EVPL: variants seen among roughly 807,000 people sequenced by gnomAD.
EVPL encodes the protein envoplakin.
A neutral mutation model predicts 129.7 loss-of-function variants in EVPL; 94 were observed. That is an observed-to-expected ratio of 0.72 (90% CI 0.61 to 0.86). The LOEUF (loss-of-function observed/expected upper bound fraction) is 0.86. Among genes scored for constraint, EVPL ranks in the 40% least tolerant of loss-of-function variants. The probability of loss-of-function intolerance (pLI) is 0.00; values close to 1 mark genes in which losing one functional copy is unlikely to be tolerated. For missense variants in EVPL, 2,625 were observed against 2,721.1 expected (o/e 0.96, Z 0.79); for synonymous variants, 1,172 against 1,191.1 (o/e 0.98, Z 0.33).
In EVPL at chr17:76,018,544, G is replaced by C; in HGVS notation, c.1341C>G (p.Ala447=). 1 of 1,612,642 alleles carries C rather than the reference G, an allele frequency of 6.2e-7. No homozygotes were observed. Among genetic ancestry groups the C allele is most frequent in the Non-Finnish European group, 8.5e-7 (1 of 1,179,856 alleles). The change falls in exon 12 of 22, where the codon GCC becomes GCG. Residue 447 remains alanine (A), a synonymous_variant. Coordinates refer to ENST00000301607, the MANE Select transcript of EVPL (RefSeq NM_001988.4). ...CCCCGCCAGGGCCCTGCACGACCCA[G>C]GCGTGCGGGTCAGTGTTATCTACCA... ...YKLVDNTDPH[A]WVVQGPGGET...
rs766924736 is a variant in EVPL at position 76,009,571 on chromosome 17, G to A, written c.3634C>T (p.Arg1212Trp). 5 of 1,613,918 alleles carry A rather than the reference G, an allele frequency of 3.1e-6. No homozygotes were observed. Among genetic ancestry groups the A allele is most frequent in the East Asian group, 2.2e-5 (1 of 44,894 alleles). Residue 1212 changes from arginine to tryptophan, a missense_variant, in exon 22 of 22, where the codon CGG (arginine) becomes TGG (tryptophan). Physicochemically the swap from Arg to Trp is moderately radical, Grantham distance 101. Transcript: ENST00000301607. This position sits in a 1 kb window ranked among gnomAD's most constrained non-coding sequence, Gnocchi z 5.9. ...VDPETEQEIT[R>W]LKAKLQEMAG... ...ATCTCCTGCAGCTTGGCCTTGAGCC[G>A]AGTGATCTCCTGCTCTGTCTCCGGA...
rs1439233804 is a variant in EVPL at position 76,008,725 on chromosome 17, C to T, written c.4480G>A (p.Glu1494Lys). Residue 1494 changes from glutamate to lysine, a missense_variant, in exon 22 of 22, where the codon GAG (glutamate) becomes AAG (lysine). This residue lies in a region of EVPL where 1,453 missense variants were observed against 1,511.8 expected (regional missense o/e 0.96). Transcript: ENST00000301607. This position sits in a 1 kb window ranked among gnomAD's most constrained non-coding sequence, Gnocchi z 7.4. ...DLDQEKTQVT[E>K]LNRECKNLQV... Reference sequence around the variant, plus strand: ...AGGTTCTTGCACTCCCGATTCAGCTCGGTTACCTGGGTCTTCTCCTGGTCC... The same window carrying T: ...AGGTTCTTGCACTCCCGATTCAGCTTGGTTACCTGGGTCTTCTCCTGGTCC... 9.3e-6 allele frequency: 15 copies of T among 1,613,976 alleles called. No individual in the cohort carries two copies. The highest frequency in any genetic ancestry group is 1.7e-5 in the Admixed American group (1 of 60,022).
Position 76,009,737 on chromosome 17 carries a change from C to T in EVPL, c.3468G>A (p.Arg1156=), listed in dbSNP as rs140510922. 6.1e-5 allele frequency: 99 copies of T among 1,613,650 alleles called. No homozygotes were observed. The highest frequency in any genetic ancestry group is 7.8e-5 in the Non-Finnish European group (92 of 1,180,010). Reference sequence around the variant, plus strand: ...TGGTCCTCTCCTCCTCGAGGAGGCTCCTCAGCCTGGAGGACTCCTGGAGGA... The same window carrying T: ...TGGTCCTCTCCTCCTCGAGGAGGCTTCTCAGCCTGGAGGACTCCTGGAGGA... ...PGLLQESSRL[R]SLLEEERTKN... is the part of the protein sequence containing the mutation. Residue 1156 remains arginine, a synonymous_variant, in exon 22 of 22, where the codon AGG becomes AGA. Coordinates refer to ENST00000301607, the MANE Select transcript of EVPL (RefSeq NM_001988.4). This position sits in a 1 kb window ranked among gnomAD's most constrained non-coding sequence, Gnocchi z 5.9.
chr17:76,025,340 C>T (rs1300052207), intron 1 of EVPL, among the ~76,000 whole-genome samples: 2 of 152,328 alleles, frequency 1.3e-5, no homozygotes, highest in East Asian at 3.9e-4. Flanking sequence ...TCTACAGTGA[C>T]ATCTCCAGTG....
At chr17:76,012,806 G>A (rs1399452238) in intron 18 of EVPL, among the ~76,000 whole-genome samples, 12 of 146,442 alleles carry the variant, frequency 8.2e-5, no homozygotes, top group South Asian at 2.1e-4. Context: ...GTGCAGTGGC[G>A]CTATCCGGAC....
chr17:76,021,317 A>C, intron 9 of EVPL, 151 bp downstream of exon 9: 4 of 690,842 alleles, frequency 5.8e-6, no homozygotes, highest in Non-Finnish European at 9.8e-6. Context: ...CGGCCTCCCA[A>C]AGTGCTGGGA....
intron 10 of EVPL, 100 bp downstream of exon 10, chr17:76,019,428 G>A: frequency 7.0e-7 from 1 of 1,422,526 alleles, no homozygotes; most frequent in Non-Finnish European, 9.3e-7. Flanking sequence ...CAGGGCTTGG[G>A]ATAGGACTAG....
At chr17:76,023,883 G>T in intron 2 of EVPL, 138 bp downstream of exon 2, 1 of 1,260,650 alleles carries the variant, frequency 7.9e-7, no homozygotes, top group Non-Finnish European at 1.1e-6. Flanking sequence ...TGTGTTAGGG[G>T]ATGGGCGGTG....
Position 76,015,096 on chromosome 17 carries a change from T to A in EVPL, c.2042A>T (p.Glu681Val). The change falls in exon 17 of 22, where the codon GAG (glutamate) becomes GTG (valine). Residue 681 changes from glutamate (E) to valine (V), a missense_variant. Glu to Val is a moderately radical substitution (Grantham distance 121, BLOSUM62 -2). Around this residue, in one of 4 missense-constraint regions of EVPL, gnomAD observed 1,024 missense variants for 997.5 expected, o/e 1.03. Transcript: ENST00000301607. ...RVSELQRQRR[E>V]LLEQQTCVLR... ...CACGCAGGTCTGCTGTTCCAGCAGC[T>A]CCCTCCGCTGGCGCTGCAGGAGGAG... 1 of 1,573,952 alleles carries A rather than the reference T, an allele frequency of 6.4e-7. No individual in the cohort carries two copies.
chr17:76,007,483 C>T lies in EVPL; in HGVS notation c.5722G>A (p.Asp1908Asn), dbSNP rs1308808541. Residue 1908 changes from aspartate to asparagine, a missense_variant, in exon 22 of 22, where the codon GAC becomes AAC. Physicochemically the swap from Asp to Asn is conservative, Grantham distance 23. This residue lies in a region of EVPL where 1,453 missense variants were observed against 1,511.8 expected (regional missense o/e 0.96). Transcript: ENST00000301607. The surrounding 1 kb of genome is among the most constrained non-coding windows in gnomAD (Gnocchi z 8.8). ...GAGAGCCTCTTCTTGGTGACGGGGT[C>T]CTCGATGCCGGTGAAGGCCTTCTGG... ...NAQKAFTGIE[D>N]PVTKKRLSVG... 2 of 1,612,380 alleles carry T rather than the reference C, an allele frequency of 1.2e-6. No individual in the cohort carries two copies. Among genetic ancestry groups the T allele is most frequent in the Non-Finnish European group, 1.7e-6 (2 of 1,179,356 alleles).
rs544533144 is a variant in EVPL, at chr17:76,014,531, C to T, written c.2268G>A (p.Lys756=). The change falls in exon 18 of 22, where the codon AAG becomes AAA. Residue 756 remains lysine, a synonymous_variant. Coordinates refer to ENST00000301607, the MANE Select transcript of EVPL (RefSeq NM_001988.4). ...QDAALTYQQF[K]NCKDNLSSWL... is the part of the protein sequence containing the mutation. ...AGGAGCTCAGGTTATCCTTGCAGTT[C>T]TTGAACTGCTGGTAGGTGAGGGCGG... is the stretch of plus-strand genomic sequence containing the variant. 5.6e-6 allele frequency: 9 copies of T among 1,611,882 alleles called. No individual in the cohort carries two copies. Among genetic ancestry groups the T allele is most frequent in the African/African-American group, 1.3e-5 (1 of 74,834 alleles).
In EVPL at chr17:76,015,385, G is replaced by A; in HGVS notation, c.1890-20C>T. ...TTGGCTCTGCCGCAGAGGAGGCAAG[G>A]CTCAGACACTCCCTGGGCCACACGC... On this transcript the variant is annotated intron_variant, in intron 15 of 21. Transcript: ENST00000301607. 9.4e-6 allele frequency: 15 copies of A among 1,602,896 alleles called. No individual in the cohort carries two copies. The highest frequency in any genetic ancestry group is 1.3e-5 in the Non-Finnish European group (15 of 1,175,662).
At position 76,017,736 on chromosome 17, in the gene EVPL, C is replaced by T. The variant is rs2066427321; in HGVS notation, c.1710+3G>A. On this transcript the variant is annotated splice_donor_region_variant and intron_variant, in intron 14 of 21. Transcript: ENST00000301607. ...CAGCCGCCCCTTCCCGCTGCTCACC[C>T]ACCTCATGGCTGTGGATGCGGCCCT... 3.1e-6 allele frequency: 5 copies of T among 1,609,432 alleles called. No homozygotes were observed. The Admixed American group carries it at 6.7e-5, about 22-fold the overall frequency.
At position 76,008,670 on chromosome 17, in the gene EVPL, G is replaced by A. The variant is rs1383355150; in HGVS notation, c.4535C>T (p.Ala1512Val). 1 of 1,612,688 alleles carries A rather than the reference G, an allele frequency of 6.2e-7. No individual in the cohort carries two copies. The highest frequency in any genetic ancestry group is 8.5e-7 in the Non-Finnish European group (1 of 1,180,008). ...LQVQIDVLQK[A>V]KSQEKTIYKE... is the part of the protein sequence containing the mutation. ...GTAGATGGTCTTCTCCTGCGATTTG[G>A]CTTTCTGGAGGACGTCAATCTGGAC... Residue 1512 changes from alanine (A) to valine (V), a missense_variant, in exon 22 of 22, where the codon GCC (alanine) becomes GTC (valine). This residue lies in a region of EVPL where 1,453 missense variants were observed against 1,511.8 expected (regional missense o/e 0.96). Coordinates refer to ENST00000301607, the MANE Select transcript of EVPL (RefSeq NM_001988.4). This position sits in a 1 kb window ranked among gnomAD's most constrained non-coding sequence, Gnocchi z 7.4.
intron 1 of EVPL, among the ~76,000 whole-genome samples, chr17:76,025,808 C>T (rs771701575): frequency 2.6e-5 from 4 of 152,322 alleles, no homozygotes; most frequent in Admixed American, 6.5e-5. Flanking sequence ...CCTCTGCAGA[C>T]GAGCTGAAGC....
intron 16 of EVPL, 42 bp from the exon 17 acceptor site, chr17:76,015,151 G>A: frequency 6.4e-7 from 1 of 1,561,132 alleles, no homozygotes; most frequent in Non-Finnish European, 8.7e-7. Flanking sequence ...TCGTGGCTGG[G>A]GAGACGCCGT....
Position 76,008,642 on chromosome 17 carries a change from CT to C in EVPL, c.4562del (p.Lys1521ArgfsTer3), listed in dbSNP as rs761906854. 2.5e-4 allele frequency: 398 copies of C among 1,612,554 alleles called. 3 individuals are homozygous for C. In the African/African-American group the frequency reaches 5.1e-3, roughly 21 times the overall value. On this transcript the variant is annotated frameshift_variant, in exon 22 of 22. Transcript: ENST00000301607. LOFTEE classifies it low-confidence loss of function (END_TRUNC). This position sits in a 1 kb window ranked among gnomAD's most constrained non-coding sequence, Gnocchi z 7.4. ...GGTCCTTCTGCACCCGGATCACTTCCTTGTAGATGGTCTTCTCCTGCGATTT... is the reference window on the plus strand; with the variant it reads ...GGTCCTTCTGCACCCGGATCACTTCCTGTAGATGGTCTTCTCCTGCGATTT... ...KAKSQEKTIY[K>X]EVIRVQKDRV...
rs1454024141 is a variant in EVPL, at chr17:76,009,349, G to GCCCGTGGCT, written c.3847_3855dup (p.Ser1283_Gly1285dup). The GCCCGTGGCT allele has an allele frequency of 6.2e-7, 1 of 1,612,836 alleles. No homozygotes were observed. The highest frequency in any genetic ancestry group is 8.5e-7 in the Non-Finnish European group (1 of 1,179,950). On this transcript the variant is annotated inframe_insertion, in exon 22 of 22. Coordinates refer to ENST00000301607, the MANE Select transcript of EVPL (RefSeq NM_001988.4). The surrounding 1 kb of genome is among the most constrained non-coding windows in gnomAD (Gnocchi z 5.9). ...AGGCGGATGAGCTGCTCCTGGGAGC[G>GCCCGTGGCT]CCCGTGGCTGTTGACGAGCTCGTTG...
At position 76,008,021 on chromosome 17, in the gene EVPL, GGTGGT is replaced by G. The variant is rs780957627; in HGVS notation, c.5179_5183del (p.Thr1727LeufsTer32). On this transcript the variant is annotated frameshift_variant, in exon 22 of 22. Coordinates refer to ENST00000301607, the MANE Select transcript of EVPL (RefSeq NM_001988.4). LOFTEE classifies it high-confidence loss of function. The surrounding 1 kb of genome is among the most constrained non-coding windows in gnomAD (Gnocchi z 7.4). The stretch of plus-strand genomic sequence containing the variant: ...CAGACTCCTCCCCACAGGGCCCCGA[GGTGGT>G]GACCTCCTCCCAGTCACACTCGAGC... 3 of 1,614,008 alleles carry G rather than the reference GGTGGT, an allele frequency of 1.9e-6. No homozygotes were observed. Among genetic ancestry groups the G allele is most frequent in the Non-Finnish European group, 2.5e-6 (3 of 1,180,040 alleles).
Sources: allele counts gnomAD v4.1 joint callset (sites outside exome capture counted in the v4.1 genomes callset), GRCh38; gene constraint gnomAD v4.1.1; regional missense constraint gnomAD v4.1.1; non-coding constraint Gnocchi (gnomAD v3.1); transcripts MANE v1.5; gene names NCBI Gene and HGNC (gene_info 2026-07-23, HGNC 2026-07-21).